The following FGF13 variants were observed in gnomAD, a reference collection of about 807,000 sequenced individuals.
FGF13 encodes the protein fibroblast growth factor homologous factor 2.
Under a neutral mutation model 19.5 loss-of-function variants are expected in FGF13, and 2 were observed. The observed-to-expected ratio is 0.10, with a 90% CI of 0.04 to 0.32. FGF13 has a LOEUF of 0.32. Ranked by LOEUF, FGF13 falls within the 10% of genes least tolerant of loss-of-function variation. FGF13 has a pLI of 1.00. For missense variants in FGF13, 113 were observed against 192.7 expected (o/e 0.59, Z 2.45); for synonymous variants, 72 against 76.9 (o/e 0.94, Z 0.33).
chrX:138,984,690 G>GA (rs2091985886), intron 1 of FGF13, among the ~76,000 whole-genome samples: 1 of 11,184 alleles, frequency 8.9e-5, no homozygotes, highest in Admixed American at 6.7e-4. Flanking sequence ...GAAGAAGAAG[G>GA]AGGAGAAGAA....
At chrX:138,775,961 C>T (rs914975670) in intron 3 of FGF13, among the ~76,000 whole-genome samples, 7 of 112,364 alleles carry the variant, frequency 6.2e-5, no homozygotes, top group Admixed American at 4.7e-4. Context: ...GGTCTCTACC[C>T]TGGAGGAGCA....
Position 138,645,399 on chromosome X carries a change from CCCT to C in FGF13, c.403-9747_403-9745del, listed in dbSNP as rs758166104. The stretch of plus-strand genomic sequence containing the variant: ...CAACGTTTGCTGAAGGCTCAGCCCT[CCCT>C]CCTATTTGTGTGCCCTGGCCCTTTT... On this transcript the variant is annotated intron_variant, in intron 3 of 4. Transcript: ENST00000315930. Among the ~76,000 whole-genome samples, 664 of 112,304 alleles carry C rather than the reference CCCT, an allele frequency of 5.9e-3. 2 individuals are homozygous for C. The highest frequency in any genetic ancestry group is 0.021 in the African/African-American group (643 of 30,906).
chrX:138,851,525 T>C (rs977052225), intron 3 of FGF13, among the ~76,000 whole-genome samples: 1 of 111,849 alleles, frequency 8.9e-6, no homozygotes. Flanking sequence ...CTCCCCTTCA[T>C]GTTAAAAACT....
chrX:139,110,024 G>A (rs2083589453), intron 1 of FGF13, among the ~76,000 whole-genome samples: 2 of 111,478 alleles, frequency 1.8e-5, no homozygotes, highest in East Asian at 5.7e-4. Flanking sequence ...TACAATCTGT[G>A]CAGGTTACTT....
chrX:139,159,049 A>T (rs1196139289), intron 1 of FGF13, among the ~76,000 whole-genome samples: 1 of 111,860 alleles, frequency 8.9e-6, no homozygotes, highest in Non-Finnish European at 1.9e-5. Context: ...GGTTGAAACG[A>T]AGGAAAAAAT....
chrX:138,932,155 C>T (rs2091704582), intron 1 of FGF13, among the ~76,000 whole-genome samples: 2 of 111,969 alleles, frequency 1.8e-5, no homozygotes, highest in Non-Finnish European at 3.8e-5. Flanking sequence ...CAGCAACGTC[C>T]TTAAAAGCTT....
chrX:138,683,874 T>C (rs1249568058), intron 3 of FGF13, among the ~76,000 whole-genome samples: 1 of 111,663 alleles, frequency 9.0e-6, no homozygotes, highest in Non-Finnish European at 1.9e-5. Context: ...AGTCCAGTTA[T>C]GCCCCAGTGG....
intron 1 of FGF13, among the ~76,000 whole-genome samples, chrX:139,045,095 A>C (rs1267954386): frequency 8.9e-6 from 1 of 112,465 alleles, no homozygotes; most frequent in Admixed American, 9.3e-5. Flanking sequence ...GGAGGCTGCC[A>C]AGCATTCTTC....
chrX:139,137,699 T>C (rs181832154), intron 1 of FGF13, among the ~76,000 whole-genome samples: 2 of 112,491 alleles, frequency 1.8e-5, no homozygotes, highest in East Asian at 5.6e-4. Context: ...ATTTTGATTG[T>C]GTCAACTCTG....
At chrX:138,685,359 T>G (rs1456316914) in intron 3 of FGF13, among the ~76,000 whole-genome samples, 1 of 111,197 alleles carries the variant, frequency 9.0e-6, no homozygotes, top group Non-Finnish European at 1.9e-5. Context: ...ATTAATGGTT[T>G]CTTGGCCAGC....
chrX:139,145,182 A>G (rs1429976856), intron 1 of FGF13, among the ~76,000 whole-genome samples: 2 of 111,599 alleles, frequency 1.8e-5, no homozygotes, highest in African/African-American at 6.5e-5. Flanking sequence ...AAACTCCAGT[A>G]TTACACAGAT....
chrX:138,891,041 C>T (rs944386008), intron 1 of FGF13, among the ~76,000 whole-genome samples: 5 of 112,039 alleles, frequency 4.5e-5, no homozygotes, highest in African/African-American at 1.6e-4. Flanking sequence ...CCTGTAATCC[C>T]AGCACTTTGG....
At chrX:139,181,398 T>C (rs937409301) in intron 1 of FGF13, among the ~76,000 whole-genome samples, 1 of 112,887 alleles carries the variant, frequency 8.9e-6, no homozygotes, top group African/African-American at 3.2e-5. Flanking sequence ...GCCTCTTCTC[T>C]TCACTTCTGC....
chrX:138,780,808 A>G (rs1462090092), intron 3 of FGF13, among the ~76,000 whole-genome samples: 1 of 111,089 alleles, frequency 9.0e-6, no homozygotes, highest in Non-Finnish European at 1.9e-5. Flanking sequence ...CTCTGCACCA[A>G]GCGGACCGAA....
At chrX:139,101,966 C>T (rs183063426) in intron 1 of FGF13, among the ~76,000 whole-genome samples, 7 of 111,900 alleles carry the variant, frequency 6.3e-5, no homozygotes, top group African/African-American at 1.9e-4. Context: ...TTGTGCTTGG[C>T]TAACCTCACC....
intron 3 of FGF13, among the ~76,000 whole-genome samples, chrX:138,665,754 C>T (rs1360587061): frequency 9.1e-6 from 1 of 110,373 alleles, no homozygotes; most frequent in African/African-American, 3.3e-5. Context: ...AGAGAAAGCC[C>T]CTACCCTCAT....
At chrX:138,947,767 A>C (rs58692364) in intron 1 of FGF13, among the ~76,000 whole-genome samples, 3,103 of 111,932 alleles carry the variant, frequency 0.028, 117 homozygotes, top group African/African-American at 0.095. Context: ...TCTTATGTTC[A>C]AGTTCTAAAC....
At chrX:138,694,802 G>C (rs1418134264) in intron 3 of FGF13, among the ~76,000 whole-genome samples, 1 of 109,582 alleles carries the variant, frequency 9.1e-6, no homozygotes, top group Non-Finnish European at 1.9e-5. Flanking sequence ...CCTCAGTTTA[G>C]CTATCAGTAA....
intron 1 of FGF13, among the ~76,000 whole-genome samples, chrX:139,087,612 T>C (rs2083412917): frequency 8.9e-6 from 1 of 111,910 alleles, no homozygotes; most frequent in Admixed American, 9.5e-5. Context: ...CCTTGTTTGA[T>C]ATAGTTATTT....
Sources: gnomAD v4.1 joint callset for allele counts (sites outside exome capture counted in the v4.1 genomes callset) on GRCh38, gnomAD v4.1.1 for gene constraint, MANE v1.5 for transcripts, NCBI Gene and HGNC (gene_info 2026-07-23, HGNC 2026-07-21) for gene names.